The following GALNTL6 variants were observed in gnomAD, a reference collection of about 807,000 sequenced individuals.
GALNTL6 encodes polypeptide N-acetylgalactosaminyltransferase like 6.
In GALNTL6, 46 loss-of-function variants were observed where a neutral mutation model predicts 73.7. That is an observed-to-expected ratio of 0.62 (90% CI 0.49 to 0.80). The LOEUF (loss-of-function observed/expected upper bound fraction) is 0.80. Ranked by LOEUF, GALNTL6 falls within the 30% of genes least tolerant of loss-of-function variation. The pLI is 0.00. For missense variants in GALNTL6, 604 were observed against 755.0 expected, an observed-to-expected ratio of 0.80 and a Z score of 2.34; for synonymous variants, 259 against 263.7, an observed-to-expected ratio of 0.98 and a Z score of 0.17.
intron 7 of GALNTL6, among the ~76,000 whole-genome samples, chr4:172,816,357 A>G (rs1390028130): frequency 6.6e-6 from 1 of 152,250 alleles, no homozygotes; most frequent in East Asian, 1.9e-4. Context: ...AGTGACTATT[A>G]TAGCAGTGAT....
At chr4:172,561,884 G>C (rs994091035) in intron 5 of GALNTL6, among the ~76,000 whole-genome samples, 3 of 152,104 alleles carry the variant, frequency 2.0e-5, no homozygotes, top group African/African-American at 7.2e-5. Context: ...TTAGCAAACT[G>C]TCTGAAATTG....
chr4:172,643,384 G>A (rs558770473), intron 5 of GALNTL6, among the ~76,000 whole-genome samples: 1 of 152,052 alleles, frequency 6.6e-6, no homozygotes, highest in South Asian at 2.1e-4. Flanking sequence ...CTCAGGAGAG[G>A]TTTTAAAAGT....
chr4:172,264,494 T>TTATATTTA (rs1219702772), intron 3 of GALNTL6, among the ~76,000 whole-genome samples: 2 of 140,612 alleles, frequency 1.4e-5, no homozygotes, highest in South Asian at 2.2e-4. Context: ...ATATTTATAC[T>TTATATTTA]TATATTTATA....
At chr4:172,369,801 G>A (rs963184950) in intron 5 of GALNTL6, among the ~76,000 whole-genome samples, 5 of 152,074 alleles carry the variant, frequency 3.3e-5, no homozygotes, top group South Asian at 2.1e-4. Context: ...CCTGGAACTC[G>A]CACTTGTGCA....
chr4:172,581,262 G>A (rs1737176806), intron 5 of GALNTL6, among the ~76,000 whole-genome samples: 1 of 152,146 alleles, frequency 6.6e-6, no homozygotes, highest in South Asian at 2.1e-4. Flanking sequence ...TCTCACATTG[G>A]CCTTCCCATC....
chr4:172,321,794 C>A (rs12511688), intron 4 of GALNTL6, among the ~76,000 whole-genome samples: 61,112 of 151,918 alleles, frequency 0.4, 14,838 homozygotes, highest in South Asian at 0.62. Flanking sequence ...TCCCCCACCA[C>A]CAGAAATGTC....
chr4:172,684,560 T>C (rs1316518320), intron 5 of GALNTL6, among the ~76,000 whole-genome samples: 1 of 152,166 alleles, frequency 6.6e-6, no homozygotes, highest in African/African-American at 2.4e-5. Context: ...AATGGGTCTA[T>C]AAGAGAGAGA....
chr4:172,270,308 T>C (rs560893492), intron 3 of GALNTL6, among the ~76,000 whole-genome samples: 1 of 152,296 alleles, frequency 6.6e-6, no homozygotes, highest in East Asian at 1.9e-4. Flanking sequence ...ATTCAAAATG[T>C]GTAAGTCCAA....
intron 2 of GALNTL6, among the ~76,000 whole-genome samples, chr4:171,964,186 T>C (rs1213892659): frequency 4.6e-5 from 7 of 151,466 alleles, no homozygotes; most frequent in East Asian, 1.9e-4. Flanking sequence ...TTTTTTTTTT[T>C]CCTCTGCCCC....
intron 5 of GALNTL6, among the ~76,000 whole-genome samples, chr4:172,467,549 G>C (rs1437231435): frequency 6.6e-6 from 1 of 152,092 alleles, no homozygotes; most frequent in South Asian, 2.1e-4. Context: ...ACAGGGAGAG[G>C]GGGAAAGAGA....
chr4:172,514,193 C>T (rs1171763801), intron 5 of GALNTL6, among the ~76,000 whole-genome samples: 1 of 152,156 alleles, frequency 6.6e-6, no homozygotes, highest in Non-Finnish European at 1.5e-5. Flanking sequence ...TTGTCTTCTA[C>T]TATCAGGGTG....
chr4:172,363,844 A>G (rs1305297496), intron 5 of GALNTL6, among the ~76,000 whole-genome samples: 1 of 152,152 alleles, frequency 6.6e-6, no homozygotes, highest in Non-Finnish European at 1.5e-5. Flanking sequence ...AGGAGAATTT[A>G]TTTCTTCGGT....
intron 5 of GALNTL6, among the ~76,000 whole-genome samples, chr4:172,368,057 G>A (rs993488077): frequency 6.6e-6 from 1 of 152,016 alleles, no homozygotes; most frequent in Non-Finnish European, 1.5e-5. Flanking sequence ...AAAATACCAG[G>A]GAAATAGTAT....
At chr4:172,385,920 T>G (rs1588206) in intron 5 of GALNTL6, among the ~76,000 whole-genome samples, 1 of 149,214 alleles carries the variant, frequency 6.7e-6, no homozygotes, top group Non-Finnish European at 1.5e-5. Context: ...CACACACACA[T>G]ATATATATTT....
chr4:172,586,711 T>G (rs1737424570), intron 5 of GALNTL6, among the ~76,000 whole-genome samples: 1 of 152,232 alleles, frequency 6.6e-6, no homozygotes, highest in Admixed American at 6.5e-5. Context: ...TTATTAAGTT[T>G]TAATGATTGT....
At chr4:172,778,676 G>A (rs192729313) in intron 5 of GALNTL6, among the ~76,000 whole-genome samples, 178 of 152,292 alleles carry the variant, frequency 1.2e-3, no homozygotes, top group African/African-American at 4.1e-3. Flanking sequence ...TTGGAATCTA[G>A]CAGCAATATA....
rs1378314597 is a variant in GALNTL6, at chr4:172,604,380, T to TA, written c.554-204975dup. ...AAAGAGGAATATTCTGGCTTAGTAT[T>TA]AAAAAACTAAATACTAGTGAGAGCT... is the stretch of plus-strand genomic sequence containing the variant. On this transcript the variant is annotated intron_variant, in intron 5 of 12. Coordinates refer to ENST00000506823, the MANE Select transcript of GALNTL6 (RefSeq NM_001034845.3). Among the ~76,000 whole-genome samples the TA allele has an allele frequency of 2.0e-5, 3 of 152,124 alleles. No individual in the cohort carries two copies. The East Asian group carries it at 5.8e-4, about 29-fold the overall frequency.
chr4:171,851,440 T>C (rs1425822190), intron 2 of GALNTL6, among the ~76,000 whole-genome samples: 1 of 152,214 alleles, frequency 6.6e-6, no homozygotes, highest in Non-Finnish European at 1.5e-5. Flanking sequence ...TCTCTCCATA[T>C]TGCTTTTGAC....
intron 2 of GALNTL6, among the ~76,000 whole-genome samples, chr4:172,171,371 T>C (rs1255052713): frequency 1.3e-5 from 2 of 152,116 alleles, no homozygotes; most frequent in East Asian, 3.8e-4. Flanking sequence ...ATCATAAAAA[T>C]ATAATTTCAC....
Sources: gnomAD v4.1 joint callset for allele counts (sites outside exome capture counted in the v4.1 genomes callset) on GRCh38, gnomAD v4.1.1 for gene constraint, MANE v1.5 for transcripts, NCBI Gene and HGNC (gene_info 2026-07-23, HGNC 2026-07-21) for gene names.